Variants in YEATS4 observed in about 807,000 individuals in gnomAD.
The protein encoded by YEATS4 is YEATS domain-containing protein 4.
In YEATS4, 17 loss-of-function variants were observed where a neutral mutation model predicts 30.1. That is an observed-to-expected ratio of 0.56 (90% CI 0.39 to 0.85). The LOEUF is 0.85. Among genes scored for constraint, YEATS4 ranks in the 40% least tolerant of loss-of-function variants. The pLI, the probability that YEATS4 is intolerant of heterozygous loss-of-function variation, is 0.00. For synonymous variants in YEATS4, 85 were observed against 87.5 expected (o/e 0.97, Z 0.16); for missense variants, 142 against 268.3 (o/e 0.53, Z 3.29).
chr12:69,370,513 T>C (rs763515785), intron 4 of YEATS4, among the ~76,000 whole-genome samples, 193 bp from the exon 5 acceptor site: 7 of 152,218 alleles, frequency 4.6e-5, no homozygotes, highest in Non-Finnish European at 8.8e-5. Context: ...GTTAGGTAGA[T>C]ATGAATGGAT....
chr12:69,363,036 A>C (rs567416515), intron 2 of YEATS4, 129 bp downstream of exon 2: 195 of 846,418 alleles, frequency 2.3e-4, no homozygotes, highest in Non-Finnish European at 2.9e-4. Context: ...TCTGTCGCCC[A>C]GGCTGGAGTG....
intron 6 of YEATS4, among the ~76,000 whole-genome samples, chr12:69,371,812 G>T (rs1271399656): frequency 1.3e-5 from 2 of 152,182 alleles, no homozygotes; most frequent in Admixed American, 6.5e-5. Flanking sequence ...ACAAAGTGGG[G>T]CAGGGAGCAT....
intron 1 of YEATS4, chr12:69,361,223 G>A (rs12811632): frequency 0.35 from 53,077 of 150,336 alleles, 10,832 homozygotes; most frequent in Non-Finnish European, 0.46. Flanking sequence ...GCAATAATTA[G>A]TAGGTTTTAA....
downstream of YEATS4, among the ~76,000 whole-genome samples, chr12:69,391,228 A>T (rs1003356643): frequency 6.6e-6 from 1 of 151,708 alleles, no homozygotes; most frequent in Non-Finnish European, 1.5e-5. Flanking sequence ...CAGGAGGCAG[A>T]GGTTGCAATG....
chr12:69,364,868 C>T (rs1029893184), intron 2 of YEATS4, among the ~76,000 whole-genome samples: 2 of 152,088 alleles, frequency 1.3e-5, no homozygotes, highest in Non-Finnish European at 2.9e-5. Context: ...GATCCACCTG[C>T]CTTGGCCTCC....
the YEATS4 span, among the ~76,000 whole-genome samples, chr12:69,420,800 C>G: frequency 6.6e-6 from 1 of 152,184 alleles, no homozygotes; most frequent in Non-Finnish European, 1.5e-5. Context: ...CCACTCCCTT[C>G]CCTTCCATCC....
intron 2 of YEATS4, chr12:69,364,056 G>A: frequency 3.8e-6 from 1 of 266,368 alleles, no homozygotes; most frequent in Non-Finnish European, 7.7e-6. Flanking sequence ...TAGTGGGTGG[G>A]GGAGAAAGGG....
chr12:69,401,177 G>A, the YEATS4 span: 1 of 150,830 alleles, frequency 6.6e-6, no homozygotes, highest in Admixed American at 6.6e-5. Context: ...TCCAGCCTGG[G>A]CAACACAGTG....
chr12:69,402,350 T>A, the YEATS4 span, among the ~76,000 whole-genome samples: 1 of 152,198 alleles, frequency 6.6e-6, no homozygotes, highest in Non-Finnish European at 1.5e-5. Context: ...GTGGGCCTAA[T>A]TATGCTAGGG....
At chr12:69,409,580 G>A in the YEATS4 span, among the ~76,000 whole-genome samples, 1 of 150,870 alleles carries the variant, frequency 6.6e-6, no homozygotes, top group Non-Finnish European at 1.5e-5. Flanking sequence ...TTGTGCCACT[G>A]TACTCCAGCC....
chr12:69,385,647 C>G (rs982951203), intron 6 of YEATS4, among the ~76,000 whole-genome samples: 5 of 151,942 alleles, frequency 3.3e-5, no homozygotes, highest in Non-Finnish European at 1.5e-5. Flanking sequence ...AACTTAGGCT[C>G]CAAAAATTTA....
At chr12:69,421,498 G>A in the YEATS4 span, among the ~76,000 whole-genome samples, 1 of 152,228 alleles carries the variant, frequency 6.6e-6, no homozygotes, top group South Asian at 2.1e-4. Flanking sequence ...TAGGAATCTA[G>A]GAGAACCAGG....
intron 6 of YEATS4, among the ~76,000 whole-genome samples, chr12:69,383,741 T>A (rs1168531916): frequency 6.6e-6 from 1 of 152,204 alleles, no homozygotes; most frequent in Non-Finnish European, 1.5e-5. Context: ...GGTCAGAAGA[T>A]GACTTGAAGT....
At chr12:69,367,304 T>C (rs1185062914) in intron 4 of YEATS4, among the ~76,000 whole-genome samples, 1 of 152,260 alleles carries the variant, frequency 6.6e-6, no homozygotes, top group African/African-American at 2.4e-5. Context: ...ATGAAGTTTT[T>C]AGATCTCCTA....
At position 69,359,777 on chromosome 12, in the gene YEATS4, G is replaced by A. The variant is rs146022080; in HGVS notation, c.-196G>A. 1.9e-4 allele frequency: 120 copies of A among 624,160 alleles called. 1 individual carries two copies. The East Asian group carries it at 3.2e-3, about 17-fold the overall frequency. The allele number at this position is 624,160 out of a possible 1,614,324, so 38.7% of individuals were successfully genotyped here. A position where few individuals can be genotyped will look rare whatever the true frequency, so the allele number is the denominator to read the frequency against. ...CGGCGTTCTCCACCTGCGCGGGCCT[G>A]AATGGCCTTCAGGAGCACAGTCGGC... On this transcript the variant is annotated 5_prime_UTR_variant, in exon 1 of 7. Coordinates refer to ENST00000247843, the MANE Select transcript of YEATS4 (RefSeq NM_006530.4).
chr12:69,369,974 C>G (rs926400872), intron 4 of YEATS4, among the ~76,000 whole-genome samples: 1 of 152,156 alleles, frequency 6.6e-6, no homozygotes, highest in Non-Finnish European at 1.5e-5. Flanking sequence ...TTTCAGTGTA[C>G]CCTTCCTTGC....
At chr12:69,392,240 TTGA>T (rs2121094807), downstream of YEATS4, among the ~76,000 whole-genome samples, 1 of 152,310 alleles carries the variant, frequency 6.6e-6, no homozygotes, top group South Asian at 2.1e-4. Context: ...CCCAAAAAAG[TTGA>T]TGAGGCTATA....
At chr12:69,382,549 A>C (rs1485033036) in intron 6 of YEATS4, among the ~76,000 whole-genome samples, 1 of 152,238 alleles carries the variant, frequency 6.6e-6, no homozygotes, top group Admixed American at 6.5e-5. Context: ...CTCTTCAGTC[A>C]GCTTGTGTTG....
Position 69,370,931 on chromosome 12 carries a change from C to T in YEATS4, c.470C>T (p.Thr157Ile), listed in dbSNP as rs1191001544. ...PTAMMQQLLTTSRQLTLGAYK... is the reference protein window; with the variant it reads ...PTAMMQQLLTISRQLTLGAYK... The stretch of plus-strand genomic sequence containing the variant: ...GCAATGATGCAACAATTATTGACAA[C>T]ATCTCGTCAGCTAACATTAGGAGCC... The change falls in exon 6 of 7, where the codon ACA (threonine) becomes ATA (isoleucine). Residue 157 changes from threonine (T) to isoleucine (I), a missense_variant. Thr to Ile is a moderately conservative substitution (Grantham distance 89). Transcript: ENST00000247843. The T allele has an allele frequency of 1.2e-6, 2 of 1,613,348 alleles. No individual in the cohort carries two copies. Among genetic ancestry groups the T allele is most frequent in the Admixed American group, 1.7e-5 (1 of 59,958 alleles).
Sources: gnomAD v4.1 joint callset for allele counts (sites outside exome capture counted in the v4.1 genomes callset) on GRCh38, gnomAD v4.1.1 for gene constraint, MANE v1.5 for transcripts, NCBI Gene and HGNC (gene_info 2026-07-23, HGNC 2026-07-21) for gene names.